IQSEC2: variants seen among roughly 807,000 people sequenced by gnomAD.
IQSEC2 encodes the protein IQ motif and SEC7 domain-containing protein 2.
IQSEC2 carries 6 observed loss-of-function variants against 74.6 expected under a neutral mutation model. The observed-to-expected ratio is 0.08, with a 90% CI of 0.04 to 0.16. The LOEUF (loss-of-function observed/expected upper bound fraction) is 0.16. Among genes scored for constraint, IQSEC2 ranks in the 10% least tolerant of loss-of-function variants. The pLI, the probability that IQSEC2 is intolerant of heterozygous loss-of-function variation, is 1.00. For missense variants in IQSEC2, 734 were observed against 1,306.2 expected, an observed-to-expected ratio of 0.56 and a Z score of 6.75; for synonymous variants, 494 against 544.5, an observed-to-expected ratio of 0.91 and a Z score of 1.29.
chrX:53,299,538 T>C (rs1232299717), intron 1 of IQSEC2, among the ~76,000 whole-genome samples: 1 of 111,394 alleles, frequency 9.0e-6, no homozygotes, highest in African/African-American at 3.3e-5. Context: ...GGAGTCCCAC[T>C]GTTTTAAGTG....
rs1425005931 is a variant in IQSEC2, at chrX:53,272,618, G to C, written c.738-16557C>G. ...CTCTGAACTGTGAGATTAGGAGATG[G>C]TATCAGTAGAAGAGGACCAAGAACC... is the stretch of plus-strand genomic sequence containing the variant. On this transcript the variant is annotated intron_variant, in intron 2 of 14. Coordinates refer to ENST00000642864, the MANE Select transcript of IQSEC2 (RefSeq NM_001111125.3). 4.5e-5 allele frequency among the ~76,000 whole-genome samples: 5 copies of C among 111,476 alleles called. No homozygotes were observed. The East Asian group carries it at 1.4e-3, about 31-fold the overall frequency.
chrX:53,283,015 A>G (rs2074989978), intron 2 of IQSEC2, among the ~76,000 whole-genome samples: 1 of 111,219 alleles, frequency 9.0e-6, no homozygotes, highest in Non-Finnish European at 1.9e-5. Flanking sequence ...CAGGAGTTTG[A>G]TACCAGCCTG....
rs781834335 is a variant in IQSEC2 at position 53,291,334 on chromosome X, AAAAATAAAAT to A, written c.737+551_737+560del. Among the ~76,000 whole-genome samples, 640 of 111,618 alleles carry A rather than the reference AAAAATAAAAT, an allele frequency of 5.7e-3. 1 individual carries two copies. Among genetic ancestry groups the A allele is most frequent in the African/African-American group, 0.02 (602 of 30,651 alleles). On this transcript the variant is annotated intron_variant, in intron 2 of 14. Transcript: ENST00000642864. ...GGTCAGTAACAACAATAACAACAAC[AAAAATAAAAT>A]AAAATAAAATAAAATAAAACGTACT...
chrX:53,285,881 T>C (rs1285443541), intron 2 of IQSEC2, among the ~76,000 whole-genome samples: 2 of 112,773 alleles, frequency 1.8e-5, no homozygotes, highest in Non-Finnish European at 3.7e-5. Context: ...CAGTCATTAC[T>C]GGCACAGCTG....
At chrX:53,315,996 C>A (rs1348029457) in intron 1 of IQSEC2, among the ~76,000 whole-genome samples, 2 of 112,103 alleles carry the variant, frequency 1.8e-5, no homozygotes, top group Non-Finnish European at 3.8e-5. Context: ...AGCAGCCTGG[C>A]CTGGCCTGAT....
chrX:53,254,020 A>G (rs1250669502), intron 4 of IQSEC2, among the ~76,000 whole-genome samples: 1 of 112,100 alleles, frequency 8.9e-6, no homozygotes, highest in Non-Finnish European at 1.9e-5. Flanking sequence ...CCATATTTAT[A>G]ACTTGCTTGT....
intron 2 of IQSEC2, chrX:53,281,575 G>T: frequency 8.8e-7 from 1 of 1,132,715 alleles, no homozygotes. Context: ...TGTCTCCACC[G>T]TGTCACCACC....
In IQSEC2 at chrX:53,309,868, G is replaced by A. The variant is rs1485729100; in HGVS notation, c.707+10549C>T. ...ATTAACTGGTGGCTGAGGCAAAAAG[G>A]AAGATACAATGAGCTATGACAGCCT... is the stretch of plus-strand genomic sequence containing the variant. On this transcript the variant is annotated intron_variant, in intron 1 of 14. Coordinates refer to ENST00000642864, the MANE Select transcript of IQSEC2 (RefSeq NM_001111125.3). Among the ~76,000 whole-genome samples, 4 of 112,104 alleles carry A rather than the reference G, an allele frequency of 3.6e-5. No individual in the cohort carries two copies. The East Asian group carries it at 1.1e-3, about 31-fold the overall frequency.
At chrX:53,236,264 C>T in intron 13 of IQSEC2, 58 bp downstream of exon 13, 1 of 1,132,141 alleles carries the variant, frequency 8.8e-7, no homozygotes, top group East Asian at 3.2e-5. Context: ...TGACAGGAGG[C>T]AAAGAGGACA....
At chrX:53,289,806 C>T (rs1248024628) in intron 2 of IQSEC2, among the ~76,000 whole-genome samples, 3 of 111,425 alleles carry the variant, frequency 2.7e-5, no homozygotes, top group African/African-American at 6.5e-5. Context: ...TGTCAGGAAG[C>T]GTGTCTGAAT....
At chrX:53,299,723 T>G (rs1191622752) in intron 1 of IQSEC2, among the ~76,000 whole-genome samples, 5 of 111,183 alleles carry the variant, frequency 4.5e-5, no homozygotes, top group African/African-American at 1.6e-4. Context: ...ACTCACTGTC[T>G]GGATGGGGTT....
At chrX:53,231,757 T>C (rs1176326801), downstream of IQSEC2, 1 of 112,242 alleles carries the variant, frequency 8.9e-6, no homozygotes, top group Non-Finnish European at 1.9e-5. Context: ...TTGGACTTGA[T>C]TCAGGACCCT....
intron 1 of IQSEC2, among the ~76,000 whole-genome samples, chrX:53,304,540 A>G (rs782040507): frequency 2.7e-5 from 3 of 112,619 alleles, no homozygotes; most frequent in Non-Finnish European, 5.6e-5. Flanking sequence ...GAAGACTGCT[A>G]TATACCTCAA....
rs782583217 is a variant in IQSEC2, at chrX:53,234,062, G to A, written c.*157C>T. ...GGAAACCCCATGGCAACTGCTGGGGGTGAGAGGACGGGTCCCAAGGCAGGG... is the reference window on the plus strand; with the variant it reads ...GGAAACCCCATGGCAACTGCTGGGGATGAGAGGACGGGTCCCAAGGCAGGG... On this transcript the variant is annotated 3_prime_UTR_variant, in exon 15 of 15. Transcript: ENST00000642864. 3.2e-6 allele frequency: 1 copy of A among 308,608 alleles called. No homozygotes were observed. Among genetic ancestry groups the A allele is most frequent in the African/African-American group, 2.8e-5 (1 of 35,706 alleles). The allele number at this position is 308,608 out of a possible 1,213,427, so 25.4% of individuals were successfully genotyped here.
At chrX:53,283,884 C>T (rs890062563) in intron 2 of IQSEC2, among the ~76,000 whole-genome samples, 3 of 112,102 alleles carry the variant, frequency 2.7e-5, no homozygotes, top group Non-Finnish European at 5.6e-5. Context: ...TTCAACTGAG[C>T]AAAAAGTAGA....
chrX:53,252,320 C>T (rs1387626936), intron 4 of IQSEC2, among the ~76,000 whole-genome samples: 1 of 106,555 alleles, frequency 9.4e-6, no homozygotes, highest in Non-Finnish European at 1.9e-5. Context: ...CTTGGCCTCC[C>T]GAAGTGCTGA....
At chrX:53,291,874 C>T (rs1556873112) in intron 2 of IQSEC2, 21 bp downstream of exon 2, 2 of 1,155,849 alleles carry the variant, frequency 1.7e-6, no homozygotes, top group South Asian at 3.8e-5. Context: ...CCAACTAGTA[C>T]TAAAGAAAGG....
At chrX:53,250,153 G>C in intron 5 of IQSEC2, 126 bp downstream of exon 5, 1 of 812,065 alleles carries the variant, frequency 1.2e-6, no homozygotes. Flanking sequence ...TGTCTGGGGA[G>C]AAATACCATT....
intron 2 of IQSEC2, chrX:53,281,547 G>T: frequency 8.7e-7 from 1 of 1,148,730 alleles, no homozygotes; most frequent in Non-Finnish European, 1.2e-6. Flanking sequence ...CCAAGGGCAG[G>T]CCCCCTGGCC....
Sources: allele counts gnomAD v4.1 joint callset (sites outside exome capture counted in the v4.1 genomes callset), GRCh38; gene constraint gnomAD v4.1.1; transcripts MANE v1.5; gene names NCBI Gene and HGNC (gene_info 2026-07-23, HGNC 2026-07-21).